The following FRAS1 variants were observed in gnomAD, a reference collection of about 807,000 sequenced individuals.
FRAS1 encodes extracellular matrix organizing protein FRAS1.
Under a neutral mutation model 435.2 loss-of-function variants are expected in FRAS1, and 290 were observed. The observed-to-expected ratio is 0.67, with a 90% CI of 0.61 to 0.73. The LOEUF is 0.73. Among genes scored for constraint, FRAS1 ranks in the 30% least tolerant of loss-of-function variants. FRAS1 has a pLI of 0.00. For synonymous variants in FRAS1, 1,800 were observed against 1,851.0 expected (o/e 0.97, Z 0.71); for missense variants, 4,860 against 5,001.5 (o/e 0.97, Z 0.85).
chr4:78,404,642 T>G (rs1733032054), intron 30 of FRAS1, among the ~76,000 whole-genome samples: 1 of 152,226 alleles, frequency 6.6e-6, no homozygotes, highest in African/African-American at 2.4e-5. Context: ...TGCCTTCCTC[T>G]GTCATCCTTC....
intron 18 of FRAS1, among the ~76,000 whole-genome samples, chr4:78,329,662 G>A (rs1443004450): frequency 6.6e-6 from 1 of 152,178 alleles, no homozygotes; most frequent in East Asian, 1.9e-4. Context: ...CAGTGCTATT[G>A]GAATACTTCG....
At chr4:78,452,034 AC>A in intron 46 of FRAS1, 140 bp from the exon 47 acceptor site, 1 of 1,234,808 alleles carries the variant, frequency 8.1e-7, no homozygotes, top group Non-Finnish European at 1.1e-6. Flanking sequence ...CCTTTATTGC[AC>A]GAAGCCCTGG....
chr4:78,408,425 A>G (rs2110354262), intron 31 of FRAS1, among the ~76,000 whole-genome samples: 1 of 152,320 alleles, frequency 6.6e-6, no homozygotes, highest in Middle Eastern at 3.4e-3. Flanking sequence ...CAAGATGTTT[A>G]GGTTAGATAA....
chr4:78,385,775 C>T (rs1460906410), intron 28 of FRAS1, among the ~76,000 whole-genome samples: 2 of 151,786 alleles, frequency 1.3e-5, no homozygotes, highest in African/African-American at 4.8e-5. Context: ...ATCCCAGCTA[C>T]TCGGGAGGCT....
At chr4:78,339,339 G>A (rs899622617) in intron 20 of FRAS1, among the ~76,000 whole-genome samples, 3 of 152,200 alleles carry the variant, frequency 2.0e-5, no homozygotes, top group African/African-American at 7.2e-5. Flanking sequence ...CTGAGCACAA[G>A]GTGCCAAGTT....
chr4:78,466,515 C>A (rs890431409), intron 50 of FRAS1, 80 bp downstream of exon 50: 1 of 1,045,996 alleles, frequency 9.6e-7, no homozygotes. Context: ...TCAAGCATAC[C>A]ATTGTTTGAG....
intron 50 of FRAS1, among the ~76,000 whole-genome samples, chr4:78,469,441 A>T (rs536065663): frequency 1.3e-5 from 2 of 152,318 alleles, no homozygotes; most frequent in South Asian, 2.1e-4. Flanking sequence ...TCACCCTCAT[A>T]TAGAGAGCTC....
rs1224189828 is a variant in FRAS1 at position 78,387,410 on chromosome 4, T to G, written c.3684T>G (p.Ile1228Met). The change falls in exon 29 of 74, where the codon ATT becomes ATG. Residue 1228 changes from isoleucine to methionine, a missense_variant. Ile to Met is a conservative substitution (Grantham distance 10, BLOSUM62 1). Coordinates refer to ENST00000512123, the MANE Select transcript of FRAS1 (RefSeq NM_025074.7). ...TGCTGAGAAATGAAGTTCTCCACAT[T>G]AGCAGAGGAGAGAGGGCAACCATCA... ...PYVLRNEVLH[I>M]SRGERATITT... The G allele has an allele frequency of 1.2e-6, 2 of 1,613,024 alleles. No homozygotes were observed. The highest frequency in any genetic ancestry group is 1.7e-5 in the Admixed American group (1 of 59,992).
chr4:78,399,566 T>A (rs1019102506), intron 29 of FRAS1, among the ~76,000 whole-genome samples: 2 of 152,182 alleles, frequency 1.3e-5, no homozygotes, highest in African/African-American at 4.8e-5. Context: ...GCACTTTTAA[T>A]GATATTAGCT....
At chr4:78,280,716 A>G (rs988016553) in intron 10 of FRAS1, among the ~76,000 whole-genome samples, 2 of 152,010 alleles carry the variant, frequency 1.3e-5, no homozygotes, top group African/African-American at 2.4e-5. Flanking sequence ...TGTGTACTGT[A>G]ATCTTCGGCA....
chr4:78,291,040 A>G (rs1359810032), intron 14 of FRAS1, among the ~76,000 whole-genome samples: 1 of 152,316 alleles, frequency 6.6e-6, no homozygotes, highest in South Asian at 2.1e-4. Flanking sequence ...TGCTGGGATT[A>G]CAGGCGTGAG....
intron 2 of FRAS1, among the ~76,000 whole-genome samples, chr4:78,209,992 T>C (rs960420180): frequency 2.0e-5 from 3 of 152,184 alleles, no homozygotes; most frequent in Non-Finnish European, 2.9e-5. Context: ...CAGAGTTGCC[T>C]AAGCTCTTTA....
At chr4:78,300,770 GC>G (rs977246634) in intron 14 of FRAS1, among the ~76,000 whole-genome samples, 2 of 151,964 alleles carry the variant, frequency 1.3e-5, no homozygotes, top group African/African-American at 4.8e-5. Flanking sequence ...TCATGCCATG[GC>G]CCCCCACTGT....
chr4:78,406,567 A>T (rs1271050788), intron 30 of FRAS1, among the ~76,000 whole-genome samples: 1 of 152,172 alleles, frequency 6.6e-6, no homozygotes, highest in Non-Finnish European at 1.5e-5. Context: ...GGCCCCTATG[A>T]TTCAATTACC....
At chr4:78,464,713 T>C in intron 49 of FRAS1, 130 bp downstream of exon 49, 1 of 951,644 alleles carries the variant, frequency 1.1e-6, no homozygotes, top group East Asian at 2.7e-5. Context: ...CCTTGAAGGA[T>C]TAAAATACAG....
At chr4:78,256,713 G>A (rs1318459119) in intron 6 of FRAS1, among the ~76,000 whole-genome samples, 1 of 152,060 alleles carries the variant, frequency 6.6e-6, no homozygotes, top group Non-Finnish European at 1.5e-5. Context: ...GTAAAAAGAT[G>A]AAATTTGGTA....
intron 1 of FRAS1, among the ~76,000 whole-genome samples, chr4:78,065,382 TAGAA>T (rs1739983357): frequency 6.6e-6 from 1 of 151,668 alleles, no homozygotes; most frequent in African/African-American, 2.4e-5. Context: ...TCAACATCCT[TAGAA>T]AGGAAATACA....
intron 38 of FRAS1, among the ~76,000 whole-genome samples, chr4:78,433,344 A>G (rs372831508): frequency 6.6e-6 from 1 of 152,256 alleles, no homozygotes; most frequent in East Asian, 1.9e-4. Flanking sequence ...AAACATAATA[A>G]TGACTAGTTT....
intron 58 of FRAS1, among the ~76,000 whole-genome samples, chr4:78,485,355 A>C (rs991475530): frequency 6.6e-6 from 1 of 152,216 alleles, no homozygotes; most frequent in African/African-American, 2.4e-5. Context: ...TCAACACACA[A>C]AATTATATTT....
Sources: gnomAD v4.1 joint callset for allele counts (sites outside exome capture counted in the v4.1 genomes callset) on GRCh38, gnomAD v4.1.1 for gene constraint, MANE v1.5 for transcripts, NCBI Gene and HGNC (gene_info 2026-07-23, HGNC 2026-07-21) for gene names.